CAP2: variants seen among roughly 807,000 people sequenced by gnomAD.
The protein encoded by CAP2 is adenylyl cyclase-associated protein 2.
A neutral mutation model predicts 57.7 loss-of-function variants in CAP2; 24 were observed. The observed-to-expected ratio is 0.42, with a 90% CI of 0.30 to 0.58. The LOEUF is 0.58. CAP2 is among the 20% of genes least tolerant of loss of function. CAP2 has a pLI of 0.22. For synonymous variants in CAP2, 194 were observed against 207.2 expected (o/e 0.94, Z 0.55); for missense variants, 501 against 590.3 (o/e 0.85, Z 1.57).
chr6:17,412,028 T>C (rs9477423), intron 1 of CAP2, among the ~76,000 whole-genome samples: 15,579 of 152,096 alleles, frequency 0.1, 2,669 homozygotes, highest in African/African-American at 0.35. Context: ...AGGGGAGTAG[T>C]ATATGGTTTA....
At chr6:17,495,103 ATGGGCCAGATCC>A (rs953309928) in intron 4 of CAP2, among the ~76,000 whole-genome samples, 1 of 152,138 alleles carries the variant, frequency 6.6e-6, no homozygotes, top group African/African-American at 2.4e-5. Flanking sequence ...CCATAATCAC[ATGGGCCAGATCC>A]TTGTCATAAA....
intron 4 of CAP2, among the ~76,000 whole-genome samples, chr6:17,498,905 A>G (rs1386086277): frequency 6.6e-6 from 1 of 151,392 alleles, no homozygotes; most frequent in African/African-American, 2.4e-5. Context: ...ATTTTTTTGT[A>G]TCTTTAGTAG....
At chr6:17,508,772 A>G (rs1340037020) in intron 6 of CAP2, among the ~76,000 whole-genome samples, 9 of 136,862 alleles carry the variant, frequency 6.6e-5, no homozygotes, top group African/African-American at 2.5e-4. Context: ...TTTTTTTGAG[A>G]TGGAGTCTCA....
chr6:17,525,442 CTGGG>C (rs1315876245), intron 7 of CAP2, among the ~76,000 whole-genome samples: 1 of 150,194 alleles, frequency 6.7e-6, no homozygotes, highest in Admixed American at 6.7e-5. Context: ...GCACTCCAGC[CTGGG>C]TGACAGAGCA....
At chr6:17,426,402 A>AT (rs1759591800) in intron 2 of CAP2, among the ~76,000 whole-genome samples, 188 bp from the exon 3 acceptor site, 1 of 151,684 alleles carries the variant, frequency 6.6e-6, no homozygotes, top group African/African-American at 2.4e-5. Flanking sequence ...CACCTGGCTA[A>AT]TTTTTGTATT....
chr6:17,515,803 T>C (rs932836835), intron 7 of CAP2, among the ~76,000 whole-genome samples: 1 of 152,196 alleles, frequency 6.6e-6, no homozygotes, highest in African/African-American at 2.4e-5. Context: ...GATCACAGCC[T>C]GTGTCTGTTC....
intron 1 of CAP2, among the ~76,000 whole-genome samples, chr6:17,418,222 A>T (rs1253858842): frequency 6.6e-6 from 1 of 152,170 alleles, no homozygotes; most frequent in Non-Finnish European, 1.5e-5. Context: ...CTCCTTGGGA[A>T]TGCTAACATG....
At position 17,539,411 on chromosome 6, in the gene CAP2, G is replaced by A. The variant is rs766853393; in HGVS notation, c.779G>A (p.Arg260His). Residue 260 changes from arginine to histidine, a missense_variant, in exon 8 of 13, where the codon CGC (arginine) becomes CAC (histidine). Transcript: ENST00000229922. The part of the protein sequence containing the change: ...EGKKEESSPS[R>H]SALFAQLNQG... Reference sequence around the variant, plus strand: ...AAAAAAGAGGAATCTTCTCCTTCACGCTCAGCTTTATTTGCCCAACTTAAC... The same window carrying A: ...AAAAAAGAGGAATCTTCTCCTTCACACTCAGCTTTATTTGCCCAACTTAAC... 1.1e-5 allele frequency: 18 copies of A among 1,613,998 alleles called. No individual in the cohort carries two copies. Among genetic ancestry groups the A allele is most frequent in the South Asian group, 3.3e-5 (3 of 91,082 alleles).
chr6:17,394,022 T>C (rs1758607865), intron 1 of CAP2, among the ~76,000 whole-genome samples: 1 of 149,206 alleles, frequency 6.7e-6, no homozygotes, highest in African/African-American at 2.4e-5. Flanking sequence ...AGCTCCGGCG[T>C]CCTGGCCGCT....
chr6:17,533,193 G>A (rs1762691424), intron 7 of CAP2, among the ~76,000 whole-genome samples: 1 of 150,954 alleles, frequency 6.6e-6, no homozygotes, highest in Non-Finnish European at 1.5e-5. Flanking sequence ...AAATTTTGAT[G>A]TACATTAGTA....
chr6:17,438,648 C>T (rs922806579), intron 3 of CAP2, among the ~76,000 whole-genome samples: 2 of 147,052 alleles, frequency 1.4e-5, no homozygotes, highest in Middle Eastern at 3.2e-3. Context: ...ACAGTGTTAG[C>T]CAGGATGGTC....
intron 4 of CAP2, among the ~76,000 whole-genome samples, chr6:17,474,885 TG>T (rs1213712588): frequency 6.6e-6 from 1 of 152,052 alleles, no homozygotes; most frequent in African/African-American, 2.4e-5. Context: ...CCGAGTCACT[TG>T]TTTTGTTTGA....
chr6:17,450,113 A>G (rs965036036), intron 3 of CAP2, among the ~76,000 whole-genome samples: 3 of 150,324 alleles, frequency 2.0e-5, no homozygotes, highest in East Asian at 3.9e-4. Flanking sequence ...GTGCAGTGGC[A>G]CGATCTCGGC....
At chr6:17,412,134 A>G (rs59780524) in intron 1 of CAP2, among the ~76,000 whole-genome samples, 15,552 of 151,832 alleles carry the variant, frequency 0.1, 2,663 homozygotes, top group African/African-American at 0.35. Context: ...AGGATTCGAG[A>G]TGTACTTAGC....
At position 17,513,889 on chromosome 6, in the gene CAP2, A is replaced by C. The variant is rs757645288; in HGVS notation, c.571A>C (p.Ile191Leu). 1 of 1,613,946 alleles carries C rather than the reference A, an allele frequency of 6.2e-7. No homozygotes were observed. Among genetic ancestry groups the C allele is most frequent in the Admixed American group, 1.7e-5 (1 of 60,024 alleles). ...HVDWVKSYLNIWSELQAYIKE... is the reference protein window; with the variant it reads ...HVDWVKSYLNLWSELQAYIKE... ...GGATTGGGTGAAGTCATATTTGAAC[A>C]TTTGGAGTGAACTTCAAGCATACAT... Residue 191 changes from isoleucine (I) to leucine (L), a missense_variant, in exon 7 of 13, where the codon ATT becomes CTT. Physicochemically the swap from Ile to Leu is conservative, Grantham distance 5 (BLOSUM62 2). Transcript: ENST00000229922. This position sits in a 1 kb window ranked among gnomAD's most constrained non-coding sequence, Gnocchi z 4.3.
At chr6:17,540,505 C>A (rs1474821082) in intron 8 of CAP2, among the ~76,000 whole-genome samples, 1 of 151,196 alleles carries the variant, frequency 6.6e-6, no homozygotes, top group African/African-American at 2.4e-5. Flanking sequence ...AATCCCAGCA[C>A]TTTGGGAGGC....
chr6:17,463,371 A>G (rs757857111), intron 4 of CAP2, among the ~76,000 whole-genome samples: 1 of 152,128 alleles, frequency 6.6e-6, no homozygotes, highest in Non-Finnish European at 1.5e-5. Context: ...TCTTACTGTA[A>G]CAAATGGACA....
At chr6:17,443,286 G>A (rs1672046007) in intron 3 of CAP2, among the ~76,000 whole-genome samples, 1 of 152,038 alleles carries the variant, frequency 6.6e-6, no homozygotes. Context: ...TTAGAGGATT[G>A]TTTCCAATGT....
chr6:17,422,346 CTTTTTTTTTTT>C (rs11320178), intron 2 of CAP2, among the ~76,000 whole-genome samples: 12 of 90,278 alleles, frequency 1.3e-4, no homozygotes, highest in African/African-American at 5.7e-4. Flanking sequence ...ACCAACTATG[CTTTTTTTTTTT>C]TTTTTTTTTT....
Sources: allele counts gnomAD v4.1 joint callset (sites outside exome capture counted in the v4.1 genomes callset), GRCh38; gene constraint gnomAD v4.1.1; non-coding constraint Gnocchi (gnomAD v3.1); transcripts MANE v1.5; gene names NCBI Gene and HGNC (gene_info 2026-07-23, HGNC 2026-07-21).